IGSF9B: variants seen among roughly 807,000 people sequenced by gnomAD.
IGSF9B encodes the protein immunoglobulin superfamily member 9B.
In IGSF9B, 48 loss-of-function variants were observed where a neutral mutation model predicts 143.7. The ratio of observed to expected loss-of-function variants is 0.33; its 90% CI spans 0.26 to 0.42. The LOEUF (loss-of-function observed/expected upper bound fraction) is 0.42. Ranked by LOEUF, IGSF9B falls within the 20% of genes least tolerant of loss-of-function variation. The pLI is 1.00. For synonymous variants in IGSF9B, 903 were observed against 833.1 expected (o/e 1.08, Z -1.44); for missense variants, 1,706 against 1,980.0 (o/e 0.86, Z 2.63).
Position 133,948,660 on chromosome 11 carries a change from T to A in IGSF9B, c.65-2402A>T, listed in dbSNP as rs1940102472. Among the ~76,000 whole-genome samples the A allele has an allele frequency of 6.8e-6, 1 of 146,918 alleles. No homozygotes were observed. On this transcript the variant is annotated intron_variant, in intron 1 of 19. Transcript: ENST00000533871. This position sits in a 1 kb window ranked among gnomAD's most constrained non-coding sequence, Gnocchi z 4.7. ...GTGTGTGTGTGTGTGTGTGTGTGTG[T>A]GTGTCTACAGCACACACCTGTGAGG...
At position 133,904,002 on chromosome 11, in the gene IGSF9B, G is replaced by A. The variant is rs573725847; in HGVS notation, c.*5067C>T. Among the ~76,000 whole-genome samples, 295 of 152,310 alleles carry A rather than the reference G, an allele frequency of 1.9e-3. No homozygotes were observed. The highest frequency in any genetic ancestry group is 3.4e-3 in the Middle Eastern group (1 of 294). ...TAAAGAGAGAAGAATGGCTGGTCAA[G>A]CCAAGAGTTTCAGGTGAAACTCTTT... On this transcript the variant is annotated 3_prime_UTR_variant, in exon 20 of 20. Coordinates refer to ENST00000533871, the MANE Select transcript of IGSF9B (RefSeq NM_001277285.4).
chr11:133,926,499 G>A (rs1939629042), intron 13 of IGSF9B, among the ~76,000 whole-genome samples: 1 of 152,204 alleles, frequency 6.6e-6, no homozygotes, highest in African/African-American at 2.4e-5. Flanking sequence ...AGGCAGGGAG[G>A]AGTATGAGGC....
chr11:133,933,982 GTT>G (rs35234689), intron 7 of IGSF9B, among the ~76,000 whole-genome samples: 44 of 145,494 alleles, frequency 3.0e-4, no homozygotes, highest in African/African-American at 1.1e-3. Context: ...GTATGGTAGA[GTT>G]TTTTTTTTTT....
chr11:133,910,601 G>A (rs913577151), intron 19 of IGSF9B, among the ~76,000 whole-genome samples: 5 of 152,114 alleles, frequency 3.3e-5, no homozygotes, highest in African/African-American at 1.2e-4. Flanking sequence ...CAATAACTCT[G>A]CTTTAGACAT....
At chr11:133,923,522 C>G (rs1191234257) in intron 15 of IGSF9B, among the ~76,000 whole-genome samples, 2 of 152,236 alleles carry the variant, frequency 1.3e-5, no homozygotes, top group Non-Finnish European at 2.9e-5. Context: ...CACCAGCCTA[C>G]CATCTTATAC....
At chr11:133,949,444 G>C (rs1168513130) in intron 1 of IGSF9B, among the ~76,000 whole-genome samples, 1 of 152,112 alleles carries the variant, frequency 6.6e-6, no homozygotes, top group Non-Finnish European at 1.5e-5. Context: ...CTCCAGAAAA[G>C]CTCAATATGA....
rs1940206848 is a variant in IGSF9B at position 133,953,858 on chromosome 11, C to T, written c.64+2833G>A. On this transcript the variant is annotated intron_variant, in intron 1 of 19. Transcript: ENST00000533871. The surrounding 1 kb of genome is among the most constrained non-coding windows in gnomAD (Gnocchi z 4.2). ...ACTGTCTTCCAGGTTCTGGGTACCACTCCAGCCCCTCTCTTCTCCACACTT... is the reference window on the plus strand; with the variant it reads ...ACTGTCTTCCAGGTTCTGGGTACCATTCCAGCCCCTCTCTTCTCCACACTT... Among the ~76,000 whole-genome samples, 1 of 152,196 alleles carries T rather than the reference C, an allele frequency of 6.6e-6. No homozygotes were observed. The highest frequency in any genetic ancestry group is 1.9e-4 in the East Asian group (1 of 5,180).
At chr11:133,932,265 A>G in intron 7 of IGSF9B, 52 bp from the exon 8 acceptor site, 1 of 1,510,846 alleles carries the variant, frequency 6.6e-7, no homozygotes, top group South Asian at 1.3e-5. Context: ...ACAGGGACAG[A>G]CAGACAGACA....
Position 133,902,936 on chromosome 11 carries a change from T to A in IGSF9B, c.*6133A>T, listed in dbSNP as rs756409353. 1.3e-5 allele frequency among the ~76,000 whole-genome samples: 2 copies of A among 152,098 alleles called. No homozygotes were observed. The highest frequency in any genetic ancestry group is 2.9e-5 in the Non-Finnish European group (2 of 68,010). On this transcript the variant is annotated 3_prime_UTR_variant, in exon 20 of 20. Transcript: ENST00000533871. ...GAGGGCTGGGCACTCGCCCCTCCCATGGCTTATATGAAAACCCCACACGTG... is the reference window on the plus strand; with the variant it reads ...GAGGGCTGGGCACTCGCCCCTCCCAAGGCTTATATGAAAACCCCACACGTG...
chr11:133,914,927 A>G (rs891986940), intron 18 of IGSF9B, among the ~76,000 whole-genome samples: 4 of 152,192 alleles, frequency 2.6e-5, no homozygotes, highest in Non-Finnish European at 4.4e-5. Context: ...CCCTTTGGTC[A>G]TGGAGCTCTT....
At chr11:133,943,329 C>T (rs938737192) in intron 3 of IGSF9B, among the ~76,000 whole-genome samples, 1 of 152,174 alleles carries the variant, frequency 6.6e-6, no homozygotes, top group Non-Finnish European at 1.5e-5. Context: ...TTTTTTAAAA[C>T]CCGCTCCCCT....
rs1446823174 is a variant in IGSF9B, at chr11:133,904,932, T to G, written c.*4137A>C. ...CCCTAAAGCAACACACACAGCCACA[T>G]GGGGCTCTACACACTGCCTACTAGA... is the stretch of plus-strand genomic sequence containing the variant. On this transcript the variant is annotated 3_prime_UTR_variant, in exon 20 of 20. Transcript: ENST00000533871. 6.7e-6 allele frequency among the ~76,000 whole-genome samples: 1 copy of G among 149,794 alleles called. No individual in the cohort carries two copies. The highest frequency in any genetic ancestry group is 2.5e-5 in the African/African-American group (1 of 40,478).
rs1373498918 is a variant in IGSF9B, at chr11:133,937,165, G to A, written c.679+211C>T. Among the ~76,000 whole-genome samples the A allele has an allele frequency of 5.3e-5, 8 of 152,262 alleles. No individual in the cohort carries two copies. The East Asian group carries it at 5.8e-4, about 11-fold the overall frequency. On this transcript the variant is annotated intron_variant, in intron 5 of 19. Coordinates refer to ENST00000533871, the MANE Select transcript of IGSF9B (RefSeq NM_001277285.4). Reference sequence around the variant, plus strand: ...GCCACGCCATGTGGTGCCTGGCCACGGCCTGTGGGCCTGGCCCTCTCCCAG... The same window carrying A: ...GCCACGCCATGTGGTGCCTGGCCACAGCCTGTGGGCCTGGCCCTCTCCCAG...
At position 133,948,360 on chromosome 11, in the gene IGSF9B, G is replaced by C. The variant is rs1940096958; in HGVS notation, c.65-2102C>G. 6.6e-6 allele frequency among the ~76,000 whole-genome samples: 1 copy of C among 152,106 alleles called. No individual in the cohort carries two copies. Among genetic ancestry groups the C allele is most frequent in the Non-Finnish European group, 1.5e-5 (1 of 68,018 alleles). On this transcript the variant is annotated intron_variant, in intron 1 of 19. Coordinates refer to ENST00000533871, the MANE Select transcript of IGSF9B (RefSeq NM_001277285.4). This position sits in a 1 kb window ranked among gnomAD's most constrained non-coding sequence, Gnocchi z 4.7. ...AAGATCACAGAGTATTTTTGGAGCA[G>C]AGCAGAGCATTGCACTCACCTGCCT...
chr11:133,932,969 C>T (rs1352771704), intron 7 of IGSF9B, among the ~76,000 whole-genome samples: 1 of 125,044 alleles, frequency 8.0e-6, no homozygotes, highest in Non-Finnish European at 1.7e-5. Context: ...CAGACAGACA[C>T]AGGGAAGCCA....
At chr11:133,916,273 G>A (rs1393360865) in intron 18 of IGSF9B, among the ~76,000 whole-genome samples, 2 of 152,180 alleles carry the variant, frequency 1.3e-5, no homozygotes, top group African/African-American at 2.4e-5. Context: ...GAGAAAAAAA[G>A]GGAGAGAGAA....
In IGSF9B at chr11:133,929,724, G is replaced by A. The variant is rs1262613718; in HGVS notation, c.1578C>T (p.Asn526=). The part of the protein sequence containing the change: ...VRVQVSMTTA[N]VSWEPGYDGG... ...CATCATAGCCTGGTTCCCAGGACAC[G>A]TTGGCAGTTGTCATGGAGACCTGGA... Residue 526 remains asparagine (N), a synonymous_variant, in exon 12 of 20, where the codon AAC becomes AAT. Coordinates refer to ENST00000533871, the MANE Select transcript of IGSF9B (RefSeq NM_001277285.4). The A allele has an allele frequency of 1.9e-6, 3 of 1,613,822 alleles. No individual in the cohort carries two copies. Among genetic ancestry groups the A allele is most frequent in the South Asian group, 1.1e-5 (1 of 91,088 alleles).
chr11:133,938,714 C>T (rs1939870347), intron 3 of IGSF9B, among the ~76,000 whole-genome samples: 1 of 152,116 alleles, frequency 6.6e-6, no homozygotes. Flanking sequence ...GCAAGGAGGC[C>T]CCCAGTTCTG....
intron 18 of IGSF9B, among the ~76,000 whole-genome samples, chr11:133,917,986 G>T (rs971206376): frequency 1.3e-5 from 2 of 151,212 alleles, no homozygotes; most frequent in African/African-American, 4.8e-5. Context: ...CAGCAGGCTG[G>T]CGAGGCTGGC....
Sources: allele counts gnomAD v4.1 joint callset (sites outside exome capture counted in the v4.1 genomes callset), GRCh38; gene constraint gnomAD v4.1.1; non-coding constraint Gnocchi (gnomAD v3.1); transcripts MANE v1.5; gene names NCBI Gene and HGNC (gene_info 2026-07-23, HGNC 2026-07-21).